The following TALDO1 variants were observed in gnomAD, a reference collection of about 807,000 sequenced individuals.
TALDO1 encodes the protein transaldolase.
In TALDO1, 29 loss-of-function variants were observed where a neutral mutation model predicts 38.1. The ratio of observed to expected loss-of-function variants is 0.76; its 90% confidence interval spans 0.57 to 1.04. TALDO1 has a LOEUF of 1.04. Among genes scored for constraint, TALDO1 ranks in the 50% least tolerant of loss-of-function variants. The probability of loss-of-function intolerance (pLI) is 0.00; values close to 1 mark genes in which losing one functional copy is unlikely to be tolerated. For missense variants in TALDO1, 499 were observed against 438.1 expected, an observed-to-expected ratio of 1.14 and a Z score of -1.24; for synonymous variants, 207 against 176.8, an observed-to-expected ratio of 1.17 and a Z score of -1.36.
intron 3 of TALDO1, among the ~76,000 whole-genome samples, 181 bp downstream of exon 3, chr11:759,238 A>G (rs1044986593): frequency 6.6e-6 from 1 of 152,040 alleles, no homozygotes; most frequent in African/African-American, 2.4e-5. Flanking sequence ...TTGTTTAGCA[A>G]CTGATCTCTA....
At position 758,714 on chromosome 11, in the gene TALDO1, C is replaced by T. The variant is rs371351132; in HGVS notation, c.222-236C>T. Among the ~76,000 whole-genome samples, 5 of 151,954 alleles carry T rather than the reference C, an allele frequency of 3.3e-5. No homozygotes were observed. In the East Asian group the frequency reaches 9.7e-4, roughly 30 times the overall value. ...CCACCTCCCAGGTTCACGTCATTCTCCTGCCTCAGCCTCCCTAGTAACTAG... is the reference window on the plus strand; with the variant it reads ...CCACCTCCCAGGTTCACGTCATTCTTCTGCCTCAGCCTCCCTAGTAACTAG... On this transcript the variant is annotated intron_variant, in intron 2 of 7. Coordinates refer to ENST00000319006, the MANE Select transcript of TALDO1 (RefSeq NM_006755.2).
At chr11:749,787 G>A (rs1041796332) in intron 1 of TALDO1, among the ~76,000 whole-genome samples, 1 of 152,232 alleles carries the variant, frequency 6.6e-6, no homozygotes, top group African/African-American at 2.4e-5. Flanking sequence ...GAAATGGGCT[G>A]TTTTCAGTGC....
chr11:758,016 GCTCACGCCTGTAAT>G (rs1862866856), intron 2 of TALDO1, among the ~76,000 whole-genome samples: 1 of 152,246 alleles, frequency 6.6e-6, no homozygotes, highest in South Asian at 2.1e-4. Context: ...AGGCGTGGTG[GCTCACGCCTGTAAT>G]CCCAGCACTT....
At chr11:764,789 A>AG in intron 7 of TALDO1, 24 bp from the exon 8 acceptor site, 1 of 1,614,170 alleles carries the variant, frequency 6.2e-7, no homozygotes, top group Non-Finnish European at 8.5e-7. Flanking sequence ...GGGGAGACAC[A>AG]GCTCGTGCTC....
chr11:748,312 G>A (rs1330031427), intron 1 of TALDO1, among the ~76,000 whole-genome samples: 1 of 152,232 alleles, frequency 6.6e-6, no homozygotes, highest in African/African-American at 2.4e-5. Context: ...GACGCACCGG[G>A]TGGGTAAAAG....
Position 764,452 on chromosome 11 carries a change from T to C in TALDO1, c.981+19T>C. 5 of 1,613,180 alleles carry C rather than the reference T, an allele frequency of 3.1e-6. No individual in the cohort carries two copies. Among genetic ancestry groups the C allele is most frequent in the Non-Finnish European group, 4.2e-6 (5 of 1,179,496 alleles). On this transcript the variant is annotated intron_variant, in intron 7 of 7. Transcript: ENST00000319006. ...GCTGACAGTGAGTGTTGTGTGTGGGTACCTACATATGCCAAGCCCTATGAG... is the reference window on the plus strand; with the variant it reads ...GCTGACAGTGAGTGTTGTGTGTGGGCACCTACATATGCCAAGCCCTATGAG...
intron 4 of TALDO1, 59 bp downstream of exon 4, chr11:760,312 T>C (rs1005605752): frequency 1.4e-5 from 23 of 1,605,528 alleles, no homozygotes; most frequent in Non-Finnish European, 2.0e-5. Flanking sequence ...TGGAGCAGGG[T>C]CTACATGGCA....
intron 1 of TALDO1, among the ~76,000 whole-genome samples, chr11:749,029 A>G (rs1385252254): frequency 3.3e-5 from 5 of 152,190 alleles, no homozygotes; most frequent in African/African-American, 7.2e-5. Flanking sequence ...TGCAGGGCCA[A>G]TAAAGATGGA....
Position 759,076 on chromosome 11 carries a change from G to A in TALDO1, c.329+19G>A, listed in dbSNP as rs1257270961. 3.8e-6 allele frequency: 6 copies of A among 1,598,342 alleles called. No homozygotes were observed. Among genetic ancestry groups the A allele is most frequent in the Non-Finnish European group, 5.1e-6 (6 of 1,167,602 alleles). On this transcript the variant is annotated intron_variant, in intron 3 of 7. Transcript: ENST00000319006. ...ACGCAAGGTAAGGATGCTTGCTCCT[G>A]CACTGGATGGGCTGGTCAGGTGTCC...
At chr11:755,747 T>C (rs1862824620) in intron 1 of TALDO1, 132 bp from the exon 2 acceptor site, 1 of 1,319,996 alleles carries the variant, frequency 7.6e-7, no homozygotes, top group Non-Finnish European at 1.1e-6. Context: ...GTGTGAGAAG[T>C]GTGGCTGGAC....
chr11:750,590 C>T (rs937685152), intron 1 of TALDO1, among the ~76,000 whole-genome samples: 13 of 151,948 alleles, frequency 8.6e-5, no homozygotes, highest in African/African-American at 2.9e-4. Context: ...TTTGGGAGGC[C>T]GAGGCAGGCC....
rs762226423 is a variant in TALDO1, at chr11:751,396, C to A, written c.97+3818C>A. 3.9e-5 allele frequency among the ~76,000 whole-genome samples: 6 copies of A among 152,222 alleles called. No individual in the cohort carries two copies. The East Asian group carries it at 1.2e-3, about 29-fold the overall frequency. On this transcript the variant is annotated intron_variant, in intron 1 of 7. Coordinates refer to ENST00000319006, the MANE Select transcript of TALDO1 (RefSeq NM_006755.2). ...AACAAGAGAAAGTTGGGGCCAGCCT[C>A]GGTGGCTCATGCGTATAATCCCCAG...
chr11:748,881 C>A (rs952259229), intron 1 of TALDO1, among the ~76,000 whole-genome samples: 42 of 152,176 alleles, frequency 2.8e-4, no homozygotes, highest in African/African-American at 9.2e-4. Context: ...TTCTGCTGCT[C>A]AGTTTTTTCC....
intron 1 of TALDO1, chr11:755,665 CACTT>C: frequency 1.6e-6 from 1 of 633,174 alleles, no homozygotes; most frequent in Non-Finnish European, 2.8e-6. Context: ...GATCGCTGGG[CACTT>C]AGTGTTTGTT....
At chr11:748,721 T>A (rs1490504273) in intron 1 of TALDO1, among the ~76,000 whole-genome samples, 1 of 152,194 alleles carries the variant, frequency 6.6e-6, no homozygotes, top group East Asian at 1.9e-4. Flanking sequence ...GGGGATTCAG[T>A]GACTGGCTTG....
chr11:756,442 A>G (rs1369257551), intron 2 of TALDO1, among the ~76,000 whole-genome samples: 1 of 151,714 alleles, frequency 6.6e-6, no homozygotes, highest in Non-Finnish European at 1.5e-5. Context: ...GGTGCAAGCA[A>G]TTCTCCTGCC....
At position 763,883 on chromosome 11, in the gene TALDO1, G is replaced by C; in HGVS notation, c.774G>C (p.Lys258Asn). ...GTGACTTCCTCACCATCTCACCCAA[G>C]CTCCTGGGAGAGCTGCTGCAGGACA... is the stretch of plus-strand genomic sequence containing the variant. ...AGCDFLTISP[K>N]LLGELLQDNA... The change falls in exon 6 of 8, where the codon AAG (lysine) becomes AAC (asparagine). Residue 258 changes from lysine to asparagine, a missense_variant. Coordinates refer to ENST00000319006, the MANE Select transcript of TALDO1 (RefSeq NM_006755.2). 1 of 1,613,562 alleles carries C rather than the reference G, an allele frequency of 6.2e-7. No homozygotes were observed. Among genetic ancestry groups the C allele is most frequent in the Middle Eastern group, 1.7e-4 (1 of 6,040 alleles).
rs566764933 is a variant in TALDO1 at position 759,323 on chromosome 11, G to A, written c.329+266G>A. Among the ~76,000 whole-genome samples the A allele has an allele frequency of 1.2e-4, 19 of 152,172 alleles. No homozygotes were observed. The South Asian group carries it at 3.3e-3, about 27-fold the overall frequency. On this transcript the variant is annotated intron_variant, in intron 3 of 7. Coordinates refer to ENST00000319006, the MANE Select transcript of TALDO1 (RefSeq NM_006755.2). ...GTCACCCAGGCTGGAGTACAGTGGC[G>A]CAATCTCAGCTCACTGCAACCTCTG... is the stretch of plus-strand genomic sequence containing the variant.
chr11:764,863 A>C lies in TALDO1; in HGVS notation c.*18A>C. 1 of 1,613,726 alleles carries C rather than the reference A, an allele frequency of 6.2e-7. No individual in the cohort carries two copies. The highest frequency in any genetic ancestry group is 8.5e-7 in the Non-Finnish European group (1 of 1,179,994). On this transcript the variant is annotated 3_prime_UTR_variant, in exon 8 of 8. Transcript: ENST00000319006. ...GAAAGTAGCGCATCCCTGAGGCTGG[A>C]CTCCAGATCTGCACCGCCGGCCAGC... is the stretch of plus-strand genomic sequence containing the variant.
Sources: gnomAD v4.1 joint callset for allele counts (sites outside exome capture counted in the v4.1 genomes callset) on GRCh38, gnomAD v4.1.1 for gene constraint, MANE v1.5 for transcripts, NCBI Gene and HGNC (gene_info 2026-07-23, HGNC 2026-07-21) for gene names.